ADAMTS3: variants seen among roughly 807,000 people sequenced by gnomAD.
The protein encoded by ADAMTS3 is A disintegrin and metalloproteinase with thrombospondin motifs 3.
In ADAMTS3, 73 loss-of-function variants were observed where a neutral mutation model predicts 129.0. The observed-to-expected ratio is 0.57, with a 90% CI of 0.47 to 0.69. The LOEUF (loss-of-function observed/expected upper bound fraction) is 0.69, where lower values mean the gene tolerates loss of function less well. ADAMTS3 is among the 30% of genes least tolerant of loss of function. ADAMTS3 has a pLI of 0.00. For synonymous variants in ADAMTS3, 477 were observed against 510.8 expected, an observed-to-expected ratio of 0.93 and a Z score of 0.89; for missense variants, 1,457 against 1,514.5, an observed-to-expected ratio of 0.96 and a Z score of 0.63.
intron 3 of ADAMTS3, among the ~76,000 whole-genome samples, chr4:72,515,524 C>T (rs1234441909): frequency 1.1e-4 from 16 of 148,462 alleles, no homozygotes; most frequent in East Asian, 2.0e-4. Context: ...TAATGATTGC[C>T]ATTCTAACTG....
intron 3 of ADAMTS3, among the ~76,000 whole-genome samples, chr4:72,466,280 C>T (rs543165649): frequency 1.3e-5 from 2 of 152,078 alleles, no homozygotes; most frequent in South Asian, 4.2e-4. Context: ...GAAGAAGAGG[C>T]TAGAGGGATA....
chr4:72,354,572 G>A (rs534910497), intron 4 of ADAMTS3, among the ~76,000 whole-genome samples: 34 of 151,954 alleles, frequency 2.2e-4, no homozygotes, highest in Non-Finnish European at 4.0e-4. Flanking sequence ...GTAGTCCCTT[G>A]GGCAAATCAT....
At chr4:72,302,952 G>A (rs1267217259) in intron 17 of ADAMTS3, among the ~76,000 whole-genome samples, 3 of 152,126 alleles carry the variant, frequency 2.0e-5, no homozygotes, top group Non-Finnish European at 4.4e-5. Flanking sequence ...AAAGCCCTCT[G>A]ATGCCAAACA....
At chr4:72,472,177 A>G (rs1244659583) in intron 3 of ADAMTS3, among the ~76,000 whole-genome samples, 1 of 152,166 alleles carries the variant, frequency 6.6e-6, no homozygotes, top group Non-Finnish European at 1.5e-5. Flanking sequence ...TTTTATAAAT[A>G]TTCTGAAATT....
At chr4:72,352,138 A>T (rs867010468) in intron 4 of ADAMTS3, among the ~76,000 whole-genome samples, 1 of 152,016 alleles carries the variant, frequency 6.6e-6, no homozygotes, top group African/African-American at 2.4e-5. Flanking sequence ...AAACATTTAT[A>T]TATTCAATTC....
chr4:72,360,806 A>G (rs1450307618), intron 4 of ADAMTS3, among the ~76,000 whole-genome samples: 1 of 152,030 alleles, frequency 6.6e-6, no homozygotes, highest in Non-Finnish European at 1.5e-5. Context: ...ATATCTCTAT[A>G]TTCTCTCTTG....
At chr4:72,399,232 C>A (rs1433152907) in intron 4 of ADAMTS3, among the ~76,000 whole-genome samples, 2 of 152,068 alleles carry the variant, frequency 1.3e-5, no homozygotes, top group Non-Finnish European at 2.9e-5. Flanking sequence ...GAGTTTGAGA[C>A]CAGCCTGGGC....
At chr4:72,397,504 G>A (rs1721755628) in intron 4 of ADAMTS3, among the ~76,000 whole-genome samples, 1 of 151,964 alleles carries the variant, frequency 6.6e-6, no homozygotes, top group Non-Finnish European at 1.5e-5. Flanking sequence ...GGTGGAGGCT[G>A]CAGTGAGCTG....
At chr4:72,539,876 G>A (rs1422444978) in intron 3 of ADAMTS3, among the ~76,000 whole-genome samples, 1 of 152,154 alleles carries the variant, frequency 6.6e-6, no homozygotes. Context: ...CAGCCACATG[G>A]AACTGTGAGT....
intron 3 of ADAMTS3, among the ~76,000 whole-genome samples, chr4:72,493,732 A>G (rs1032754451): frequency 2.6e-5 from 4 of 152,108 alleles, no homozygotes; most frequent in African/African-American, 9.6e-5. Context: ...ATTTCAATAC[A>G]AAAAGTCCCT....
At chr4:72,492,553 G>A (rs966782638) in intron 3 of ADAMTS3, among the ~76,000 whole-genome samples, 2 of 151,388 alleles carry the variant, frequency 1.3e-5, no homozygotes, top group African/African-American at 4.8e-5. Flanking sequence ...AACTTTTATT[G>A]CACTGTGCTC....
chr4:72,405,046 T>C (rs1444328105), intron 4 of ADAMTS3, among the ~76,000 whole-genome samples: 1 of 151,968 alleles, frequency 6.6e-6, no homozygotes, highest in Admixed American at 6.6e-5. Flanking sequence ...AAAATAAGTA[T>C]TGAGGAGATG....
At chr4:72,550,114 A>AGAAGAGGAG (rs142207113) in intron 2 of ADAMTS3, among the ~76,000 whole-genome samples, 6 of 96,592 alleles carry the variant, frequency 6.2e-5, no homozygotes, top group Admixed American at 2.0e-4. Context: ...AAGAAGAAGA[A>AGAAGAGGAG]GAAGGCATAG....
At position 72,568,819 on chromosome 4, in the gene ADAMTS3, A is replaced by ACC. The variant is rs368868980; in HGVS notation, c.-59_-58dup. 2.8e-4 allele frequency: 139 copies of ACC among 495,204 alleles called. No individual in the cohort carries two copies. The highest frequency in any genetic ancestry group is 8.3e-4 in the South Asian group (28 of 33,650). The allele number at this position is 495,204 out of a possible 1,614,324, so 30.7% of individuals were successfully genotyped here. A position where few individuals can be genotyped will look rare whatever the true frequency, so the allele number is the denominator to read the frequency against. On this transcript the variant is annotated 5_prime_UTR_variant, in exon 1 of 22. Coordinates refer to ENST00000286657, the MANE Select transcript of ADAMTS3 (RefSeq NM_014243.3). ...CAAAGCAAATGCCCAGAGCAAACCC[A>ACC]CCCCCCCCGCCCAAAATAAGTTTCT...
chr4:72,523,167 A>C (rs1720717970), intron 3 of ADAMTS3, among the ~76,000 whole-genome samples: 1 of 152,108 alleles, frequency 6.6e-6, no homozygotes, highest in African/African-American at 2.4e-5. Flanking sequence ...TAAGAAAAGC[A>C]CAGTGTACAA....
chr4:72,416,598 TCTGA>T (rs1722311582), intron 3 of ADAMTS3, among the ~76,000 whole-genome samples: 1 of 152,206 alleles, frequency 6.6e-6, no homozygotes, highest in African/African-American at 2.4e-5. Flanking sequence ...TCTTTCCTTA[TCTGA>T]CTAATTACTT....
At chr4:72,490,234 C>T (rs969941405) in intron 3 of ADAMTS3, among the ~76,000 whole-genome samples, 5 of 151,818 alleles carry the variant, frequency 3.3e-5, no homozygotes, top group Non-Finnish European at 7.4e-5. Flanking sequence ...TTGTTGAGTT[C>T]TTCATGTATT....
chr4:72,285,091 C>T (rs2365698), intron 21 of ADAMTS3, among the ~76,000 whole-genome samples: 4,217 of 152,228 alleles, frequency 0.028, 402 homozygotes, highest in Admixed American at 0.19. Flanking sequence ...AAGAGGCCTG[C>T]TACATAACTC....
At chr4:72,451,523 T>G (rs895675595) in intron 3 of ADAMTS3, among the ~76,000 whole-genome samples, 1 of 151,656 alleles carries the variant, frequency 6.6e-6, no homozygotes, top group Non-Finnish European at 1.5e-5. Flanking sequence ...CGCCAACATA[T>G]TTAGAAAGAA....
Sources: gnomAD v4.1 joint callset for allele counts (sites outside exome capture counted in the v4.1 genomes callset) on GRCh38, gnomAD v4.1.1 for gene constraint, MANE v1.5 for transcripts, NCBI Gene and HGNC (gene_info 2026-07-23, HGNC 2026-07-21) for gene names.